The following LEPR variants were observed in gnomAD, a reference collection of about 807,000 sequenced individuals.
LEPR encodes the protein leptin receptor.
LEPR carries 56 observed loss-of-function variants against 114.7 expected under a neutral mutation model. That is an observed-to-expected ratio of 0.49 (90% CI 0.39 to 0.61). The LOEUF (loss-of-function observed/expected upper bound fraction) is 0.61, where lower values mean the gene tolerates loss of function less well. Ranked by LOEUF, LEPR falls within the 20% of genes least tolerant of loss-of-function variation. The probability of loss-of-function intolerance (pLI) is 0.00; values close to 1 mark genes in which losing one functional copy is unlikely to be tolerated. For missense variants in LEPR, 1,202 were observed against 1,352.9 expected (o/e 0.89, Z 1.75); for synonymous variants, 443 against 461.4 (o/e 0.96, Z 0.51).
chr1:65,452,879 G>T (rs1247416170), intron 2 of LEPR, among the ~76,000 whole-genome samples: 1 of 152,112 alleles, frequency 6.6e-6, no homozygotes, highest in East Asian at 1.9e-4. Context: ...TGTACCTCTG[G>T]TAGAATTCGG....
At chr1:65,598,930 T>C in intron 8 of LEPR, 126 bp downstream of exon 8, 1 of 1,431,518 alleles carries the variant, frequency 7.0e-7, no homozygotes, top group South Asian at 1.3e-5. Flanking sequence ...TCAACTTCCT[T>C]GTTTAAACTT....
intron 2 of LEPR, among the ~76,000 whole-genome samples, chr1:65,475,302 G>C (rs1647144574): frequency 6.6e-6 from 1 of 152,162 alleles, no homozygotes; most frequent in Admixed American, 6.5e-5. Flanking sequence ...TTTTTCTTCA[G>C]AAAATTACCC....
intron 2 of LEPR, chr1:65,493,798 A>G (rs1648004479): frequency 6.6e-6 from 1 of 152,148 alleles, no homozygotes; most frequent in South Asian, 2.1e-4. Flanking sequence ...ATAATCAATT[A>G]ATAATTGTTT....
At position 65,433,114 on chromosome 1, in the gene LEPR, C is replaced by T. The variant is rs577080167; in HGVS notation, c.-21+7736C>T. ...CAGGAGGGGGAGAACAGATAGGTAA[C>T]TCTTTTACATTTCCTTTATGATCTG... On this transcript the variant is annotated intron_variant, in intron 2 of 19. Transcript: ENST00000349533. 4.1e-6 allele frequency: 4 copies of T among 985,402 alleles called. No individual in the cohort carries two copies. The African/African-American group carries it at 7.0e-5, about 17-fold the overall frequency. 61.0% of individuals were successfully genotyped at this position (985,402 alleles called of 1,614,324 possible).
chr1:65,556,303 T>C (rs1364880448), intron 2 of LEPR, among the ~76,000 whole-genome samples: 1 of 152,134 alleles, frequency 6.6e-6, no homozygotes, highest in African/African-American at 2.4e-5. Context: ...TGGTATTTTG[T>C]TATAGCAGCC....
chr1:65,516,978 A>C (rs1433890955), intron 2 of LEPR, among the ~76,000 whole-genome samples: 1 of 152,228 alleles, frequency 6.6e-6, no homozygotes, highest in Non-Finnish European at 1.5e-5. Context: ...ACAAAGCTTC[A>C]TGGTTCTCTT....
At chr1:65,451,428 T>G (rs1186129739) in intron 2 of LEPR, among the ~76,000 whole-genome samples, 2 of 152,060 alleles carry the variant, frequency 1.3e-5, no homozygotes, top group Non-Finnish European at 2.9e-5. Flanking sequence ...GTTTAAGTCT[T>G]TAATCCATCT....
intron 2 of LEPR, among the ~76,000 whole-genome samples, chr1:65,551,690 C>T (rs926111316): frequency 5.3e-5 from 8 of 151,970 alleles, no homozygotes; most frequent in African/African-American, 1.4e-4. Context: ...AAGGGTTTTT[C>T]GTGTCTCTAT....
intron 2 of LEPR, among the ~76,000 whole-genome samples, chr1:65,550,018 T>C (rs2100710837): frequency 6.6e-6 from 1 of 152,342 alleles, no homozygotes; most frequent in East Asian, 1.9e-4. Context: ...TGTTTGTTAG[T>C]TTTCCTTTTA....
chr1:65,497,155 C>T (rs1440774415), intron 2 of LEPR, among the ~76,000 whole-genome samples: 1 of 151,982 alleles, frequency 6.6e-6, no homozygotes, highest in African/African-American at 2.4e-5. Flanking sequence ...AAAAAATTAT[C>T]CCTACCCTAA....
chr1:65,455,614 C>A (rs1013563413), intron 2 of LEPR, among the ~76,000 whole-genome samples: 1 of 152,160 alleles, frequency 6.6e-6, no homozygotes, highest in Admixed American at 6.5e-5. Flanking sequence ...GGTCAGGGAC[C>A]CACTTGAGGA....
intron 2 of LEPR, among the ~76,000 whole-genome samples, chr1:65,519,154 T>TCC (rs1299360690): frequency 3.3e-4 from 39 of 118,216 alleles, no homozygotes; most frequent in African/African-American, 1.1e-3. Context: ...CTTCCTTCCT[T>TCC]TCCTTCCTTC....
At chr1:65,604,305 G>T (rs1481323365) in intron 10 of LEPR, among the ~76,000 whole-genome samples, 1 of 151,982 alleles carries the variant, frequency 6.6e-6, no homozygotes. Context: ...TTTAGATGGA[G>T]TGAAATTGTC....
chr1:65,574,725 C>G (rs1405669442), intron 5 of LEPR, among the ~76,000 whole-genome samples: 15 of 151,958 alleles, frequency 9.9e-5, no homozygotes, highest in Admixed American at 9.8e-4. Context: ...AAATATTTTC[C>G]AATTTACCCT....
chr1:65,611,835 A>G (rs1657188916), intron 14 of LEPR, among the ~76,000 whole-genome samples: 1 of 152,224 alleles, frequency 6.6e-6, no homozygotes, highest in Non-Finnish European at 1.5e-5. Context: ...GTGACTCAGC[A>G]ACTGAATTTT....
intron 6 of LEPR, 51 bp from the exon 7 acceptor site, chr1:65,596,397 A>C: frequency 6.2e-7 from 1 of 1,601,488 alleles, no homozygotes; most frequent in Non-Finnish European, 8.5e-7. Flanking sequence ...TTCAGCTATA[A>C]TTGTCATGAA....
rs1654263505 is a variant in LEPR, at chr1:65,572,396, A to C, written c.441A>C (p.Leu147Phe). ...LKLFICYVESLFKNLFRNYNY... is the reference protein window; with the variant it reads ...LKLFICYVESFFKNLFRNYNY... ...TATTCATCTGTTATGTGGAGTCATT[A>C]TTTAAGAATCTATTCAGGAATTATA... The change falls in exon 5 of 20, where the codon TTA becomes TTC. Residue 147 changes from leucine to phenylalanine, a missense_variant. Physicochemically the swap from Leu to Phe is conservative, Grantham distance 22. Coordinates refer to ENST00000349533, the MANE Select transcript of LEPR (RefSeq NM_002303.6). The C allele has an allele frequency of 1.2e-5, 19 of 1,568,794 alleles. No homozygotes were observed. Among genetic ancestry groups the C allele is most frequent in the Middle Eastern group, 1.7e-4 (1 of 5,806 alleles).
intron 8 of LEPR, among the ~76,000 whole-genome samples, chr1:65,600,555 C>T (rs1416659985): frequency 6.6e-6 from 1 of 152,026 alleles, no homozygotes; most frequent in Non-Finnish European, 1.5e-5. Flanking sequence ...AATGGTTTAC[C>T]TTAACTTTAC....
chr1:65,605,236 G>T lies in LEPR; in HGVS notation c.1602G>T (p.Val534=). The change falls in exon 11 of 20, where the codon GTG becomes GTT. Residue 534 remains valine, a splice_region_variant and synonymous_variant. Coordinates refer to ENST00000349533, the MANE Select transcript of LEPR (RefSeq NM_002303.6). ...SPPTCVLPDS[V]VKPLPPSSVK... ...CAACATGTGTCCTTCCTGATTCTGT[G>T]GGTATGTCAAGCTGCGTTGTGTCTT... 6.2e-7 allele frequency: 1 copy of T among 1,613,944 alleles called. No homozygotes were observed. Among genetic ancestry groups the T allele is most frequent in the Non-Finnish European group, 8.5e-7 (1 of 1,179,998 alleles).
Sources: allele counts gnomAD v4.1 joint callset (sites outside exome capture counted in the v4.1 genomes callset), GRCh38; gene constraint gnomAD v4.1.1; transcripts MANE v1.5; gene names NCBI Gene and HGNC (gene_info 2026-07-23, HGNC 2026-07-21).